The following FRAS1 variants were observed in gnomAD, a reference collection of about 807,000 sequenced individuals.
FRAS1 encodes the protein Fraser extracellular matrix complex subunit 1.
A neutral mutation model predicts 435.2 loss-of-function variants in FRAS1; 290 were observed. That is an observed-to-expected ratio of 0.67 (90% CI 0.61 to 0.73). The LOEUF (loss-of-function observed/expected upper bound fraction) is 0.73. FRAS1 is among the 30% of genes least tolerant of loss of function. FRAS1 has a pLI of 0.00. For synonymous variants in FRAS1, 1,800 were observed against 1,851.0 expected, an observed-to-expected ratio of 0.97 and a Z score of 0.71; for missense variants, 4,860 against 5,001.5, an observed-to-expected ratio of 0.97 and a Z score of 0.85.
At chr4:78,209,900 G>C (rs527674743) in intron 2 of FRAS1, among the ~76,000 whole-genome samples, 129 of 152,298 alleles carry the variant, frequency 8.5e-4, no homozygotes, top group Admixed American at 1.6e-3. Context: ...AGCCAGAACA[G>C]CCCGTTGACT....
chr4:78,332,853 A>G (rs1730001866), intron 18 of FRAS1, among the ~76,000 whole-genome samples: 1 of 152,196 alleles, frequency 6.6e-6, no homozygotes, highest in African/African-American at 2.4e-5. Flanking sequence ...AACCTATGTG[A>G]AATCAATAAG....
intron 41 of FRAS1, 45 bp downstream of exon 41, chr4:78,441,342 G>A (rs1393773782): frequency 3.2e-6 from 5 of 1,566,832 alleles, no homozygotes; most frequent in Admixed American, 1.8e-5. Flanking sequence ...GAGAAGGGAG[G>A]GGAGAGGGAG....
At chr4:78,273,122 A>G (rs142160933) in intron 9 of FRAS1, among the ~76,000 whole-genome samples, 3,001 of 152,150 alleles carry the variant, frequency 0.02, 101 homozygotes, top group African/African-American at 0.069. Flanking sequence ...TTTATCTGTT[A>G]TTGGTGTATA....
rs780410916 is a variant in FRAS1, at chr4:78,318,910, C to T, written c.2061C>T (p.Asp687=). 69 of 1,613,952 alleles carry T rather than the reference C, an allele frequency of 4.3e-5. No individual in the cohort carries two copies. The highest frequency in any genetic ancestry group is 4.1e-4 in the South Asian group (37 of 91,078). The change falls in exon 18 of 74, where the codon GAC becomes GAT. Residue 687 remains aspartate, a synonymous_variant. Transcript: ENST00000512123. ...EEGLQVEQLS[D]VGIPSGECLA... ...GACTGCAAGTGGAGCAGCTGTCTGA[C>T]GTGGGCATCCCCTCTGGCGAGTGTC... is the stretch of plus-strand genomic sequence containing the variant.
chr4:78,257,573 G>T (rs994171264), intron 6 of FRAS1, among the ~76,000 whole-genome samples: 13 of 152,052 alleles, frequency 8.5e-5, no homozygotes, highest in Admixed American at 8.5e-4. Flanking sequence ...GTTTCAAAAG[G>T]AATTTTGTAA....
rs144643930 is a variant in FRAS1, at chr4:78,379,866, A to G, written c.3433A>G (p.Thr1145Ala). The G allele has an allele frequency of 6.2e-7, 1 of 1,613,714 alleles. No homozygotes were observed. Among genetic ancestry groups the G allele is most frequent in the African/African-American group, 1.3e-5 (1 of 74,934 alleles). The stretch of plus-strand genomic sequence containing the variant: ...AGATCTCCTATTTCATGTTGTGAGC[A>G]CTCCCACCAATGGTCAGCTAGTGCT... ...VEDLLFHVVS[T>A]PTNGQLVLSR... The change falls in exon 27 of 74, where the codon ACT (threonine) becomes GCT (alanine). Residue 1145 changes from threonine (T) to alanine (A), a missense_variant. Physicochemically the swap from Thr to Ala is moderately conservative, Grantham distance 58. Coordinates refer to ENST00000512123, the MANE Select transcript of FRAS1 (RefSeq NM_025074.7).
intron 18 of FRAS1, among the ~76,000 whole-genome samples, chr4:78,327,138 C>T (rs1406915199): frequency 6.6e-6 from 1 of 152,122 alleles, no homozygotes; most frequent in African/African-American, 2.4e-5. Context: ...GGAAGGATTG[C>T]TGGAGGCCTG....
intron 7 of FRAS1, 110 bp from the exon 8 acceptor site, chr4:78,266,724 G>T (rs375617639): frequency 2.0e-5 from 15 of 753,116 alleles, no homozygotes; most frequent in Middle Eastern, 2.3e-4. Context: ...TACATTCAAT[G>T]TGGCTCATCT....
At chr4:78,454,939 C>T (rs756477326) in intron 47 of FRAS1, among the ~76,000 whole-genome samples, 3 of 152,200 alleles carry the variant, frequency 2.0e-5, no homozygotes, top group Non-Finnish European at 2.9e-5. Context: ...GGAACAGCAC[C>T]CTCCAAAAGT....
chr4:78,215,138 A>G (rs543518853), intron 2 of FRAS1, among the ~76,000 whole-genome samples: 5 of 152,224 alleles, frequency 3.3e-5, no homozygotes, highest in South Asian at 4.2e-4. Flanking sequence ...TGTTTTAAAA[A>G]AATTTTAATT....
At chr4:78,239,375 C>T (rs527924994) in intron 3 of FRAS1, among the ~76,000 whole-genome samples, 1 of 152,166 alleles carries the variant, frequency 6.6e-6, no homozygotes, top group Non-Finnish European at 1.5e-5. Context: ...AATGTGACTT[C>T]TTTGCTGTCA....
chr4:78,463,347 A>G (rs1206648925), intron 47 of FRAS1, among the ~76,000 whole-genome samples: 2 of 152,162 alleles, frequency 1.3e-5, no homozygotes, highest in Non-Finnish European at 2.9e-5. Flanking sequence ...TTTTTTCTCT[A>G]TTATGTTATT....
Position 78,534,436 on chromosome 4 carries a change from T to G in FRAS1, c.10926-13T>G, listed in dbSNP as rs1436487321. ...CTGCTCTCAAAGAGCTCTTTGTTTC[T>G]CCTTGCATTTAGATTCCTGATACCC... On this transcript the variant is annotated splice_polypyrimidine_tract_variant and intron_variant, in intron 70 of 73. Transcript: ENST00000512123. 1 of 1,606,070 alleles carries G rather than the reference T, an allele frequency of 6.2e-7. No homozygotes were observed. The highest frequency in any genetic ancestry group is 1.3e-5 in the African/African-American group (1 of 74,546).
intron 70 of FRAS1, among the ~76,000 whole-genome samples, chr4:78,529,084 G>C (rs1175478341): frequency 1.3e-5 from 2 of 152,112 alleles, no homozygotes; most frequent in Non-Finnish European, 2.9e-5. Flanking sequence ...GCTGTAGCAG[G>C]GTGGTGAACA....
intron 16 of FRAS1, among the ~76,000 whole-genome samples, chr4:78,316,377 C>T (rs774689974): frequency 1.3e-5 from 2 of 152,230 alleles, no homozygotes; most frequent in African/African-American, 2.4e-5. Flanking sequence ...CCCACATCCT[C>T]ACGTCTACCT....
chr4:78,499,994 A>T (rs761337009), intron 61 of FRAS1, 73 bp downstream of exon 61: 145 of 1,217,694 alleles, frequency 1.2e-4, no homozygotes, highest in Non-Finnish European at 1.5e-4. Context: ...TGAAGAAAGG[A>T]ATAAACAGAT....
intron 9 of FRAS1, among the ~76,000 whole-genome samples, chr4:78,270,309 G>A (rs1269481007): frequency 6.6e-6 from 1 of 152,096 alleles, no homozygotes; most frequent in African/African-American, 2.4e-5. Context: ...AGGCCTTACT[G>A]TTTCTATACC....
At chr4:78,370,547 T>C (rs1328122645) in intron 23 of FRAS1, among the ~76,000 whole-genome samples, 4 of 151,866 alleles carry the variant, frequency 2.6e-5, no homozygotes, top group African/African-American at 9.7e-5. Context: ...TCCCCACCAT[T>C]CCCTTTCTAT....
At chr4:78,365,800 A>G (rs1045669890) in intron 22 of FRAS1, among the ~76,000 whole-genome samples, 1 of 151,786 alleles carries the variant, frequency 6.6e-6, no homozygotes, top group Non-Finnish European at 1.5e-5. Flanking sequence ...ATCTCTACCA[A>G]AAATACAAAA....
Sources: gnomAD v4.1 joint callset for allele counts (sites outside exome capture counted in the v4.1 genomes callset) on GRCh38, gnomAD v4.1.1 for gene constraint, MANE v1.5 for transcripts, NCBI Gene and HGNC (gene_info 2026-07-23, HGNC 2026-07-21) for gene names.